The following ZNF711 variants were observed in gnomAD, a reference collection of about 807,000 sequenced individuals.
ZNF711 encodes the protein zinc finger protein 711.
Under a neutral mutation model 43.5 loss-of-function variants are expected in ZNF711, and 3 were observed. The observed-to-expected ratio is 0.07, with a 90% CI of 0.03 to 0.18. The LOEUF is 0.18. Among genes scored for constraint, ZNF711 ranks in the 10% least tolerant of loss-of-function variants. The probability of loss-of-function intolerance (pLI) is 1.00; values close to 1 mark genes in which losing one functional copy is unlikely to be tolerated. For synonymous variants in ZNF711, 209 were observed against 207.7 expected (o/e 1.01, Z -0.06); for missense variants, 412 against 604.0 (o/e 0.68, Z 3.33).
chrX:85,269,713 A>T (rs1028440662), intron 9 of ZNF711, among the ~76,000 whole-genome samples: 4 of 111,771 alleles, frequency 3.6e-5, no homozygotes, highest in African/African-American at 1.3e-4. Flanking sequence ...TTATCAGTTT[A>T]TTCCTGATAA....
intron 5 of ZNF711, among the ~76,000 whole-genome samples, chrX:85,257,762 G>C (rs1930302028): frequency 8.8e-6 from 1 of 113,133 alleles, no homozygotes; most frequent in South Asian, 3.6e-4. Flanking sequence ...TTCCACAGTG[G>C]CTGAACTAAT....
rs756156173 is a variant in ZNF711, at chrX:85,251,245, AT to A, written c.79+3596del. 1.1e-3 allele frequency among the ~76,000 whole-genome samples: 121 copies of A among 112,164 alleles called. 1 individual carries two copies. The highest frequency in any genetic ancestry group is 3.6e-3 in the African/African-American group (112 of 31,002). On this transcript the variant is annotated intron_variant, in intron 4 of 10. Transcript: ENST00000674551. The stretch of plus-strand genomic sequence containing the variant: ...TGATACAATACAGAAAATCTGAAAC[AT>A]TAATTTAATGCATAATTCATTGGAC...
Position 85,247,553 on chromosome X carries a change from G to C in ZNF711, c.-20G>C, listed in dbSNP as rs773355503. 2.5e-6 allele frequency: 3 copies of C among 1,181,792 alleles called. No homozygotes were observed. The highest frequency in any genetic ancestry group is 3.4e-6 in the Non-Finnish European group (3 of 871,326). ...AAAGCCATTTCTTTTGCAGATATTGGTGAATGAACTTTGCTAAGTATGGAT... is the reference window on the plus strand; with the variant it reads ...AAAGCCATTTCTTTTGCAGATATTGCTGAATGAACTTTGCTAAGTATGGAT... On this transcript the variant is annotated 5_prime_UTR_variant, in exon 4 of 11. Coordinates refer to ENST00000674551, the MANE Select transcript of ZNF711 (RefSeq NM_001330574.2).
intron 4 of ZNF711, among the ~76,000 whole-genome samples, chrX:85,249,433 C>G (rs1223495615): frequency 9.0e-6 from 1 of 111,066 alleles, no homozygotes; most frequent in Non-Finnish European, 1.9e-5. Flanking sequence ...TGATAAAGTG[C>G]CAAAACTCAC....
chrX:85,254,170 A>G (rs182156143), intron 4 of ZNF711, among the ~76,000 whole-genome samples: 1 of 111,227 alleles, frequency 9.0e-6, no homozygotes, highest in Admixed American at 9.5e-5. Flanking sequence ...CTGGGGAAAA[A>G]TGCCCGAGAT....
chrX:85,265,048 ATTC>A (rs1930982337), intron 6 of ZNF711, 67 bp from the exon 7 acceptor site: 9 of 948,641 alleles, frequency 9.5e-6, no homozygotes, highest in Non-Finnish European at 1.0e-5. Context: ...ATTTCTATAT[ATTC>A]TTCTTATTAA....
chrX:85,270,879 A>G lies in ZNF711; in HGVS notation c.1475A>G (p.His492Arg). 3 of 1,209,809 alleles carry G rather than the reference A, an allele frequency of 2.5e-6. No homozygotes were observed. The highest frequency in any genetic ancestry group is 3.4e-6 in the Non-Finnish European group (3 of 894,437). The change falls in exon 11 of 11, where the codon CAT becomes CGT. Residue 492 changes from histidine (H) to arginine (R), a missense_variant. Around this residue, in one of 4 missense-constraint regions of ZNF711, gnomAD observed 375 missense variants for 514.2 expected, o/e 0.73. Transcript: ENST00000674551. ...CTCATAAACAAAGTCGACAAAACCC[A>G]TGAATTTACAGAATACACACGAAGA... ...HKLINKVDKTHEFTEYTRRYR... is the reference protein window; with the variant it reads ...HKLINKVDKTREFTEYTRRYR...
At position 85,271,612 on chromosome X, in the gene ZNF711, G is replaced by A; in HGVS notation, c.2208G>A (p.Glu736=). 1 of 1,210,157 alleles carries A rather than the reference G, an allele frequency of 8.3e-7. No individual in the cohort carries two copies. The highest frequency in any genetic ancestry group is 1.1e-6 in the Non-Finnish European group (1 of 894,791). Residue 736 remains glutamate, a synonymous_variant, in exon 11 of 11, where the codon GAG becomes GAA. Transcript: ENST00000674551. ...RCKRGFRQQN[E]LKKHMKTHTG... is the part of the protein sequence containing the mutation. Reference sequence around the variant, plus strand: ...AGAGAGGATTCAGACAACAAAATGAGCTAAAAAAACATATGAAGACCCATA... The same window carrying A: ...AGAGAGGATTCAGACAACAAAATGAACTAAAAAAACATATGAAGACCCATA...
chrX:85,248,796 T>C (rs1382334108), intron 4 of ZNF711, among the ~76,000 whole-genome samples: 5 of 111,972 alleles, frequency 4.5e-5, no homozygotes, highest in Non-Finnish European at 5.6e-5. Context: ...AGAACTGTGA[T>C]ACTTTGCTAA....
chrX:85,265,311 A>T (rs1931007030), intron 7 of ZNF711, 56 bp downstream of exon 7: 16 of 1,152,624 alleles, frequency 1.4e-5, no homozygotes, highest in Non-Finnish European at 1.9e-5. Flanking sequence ...CATTATTTTT[A>T]AAAAATCTCA....
chrX:85,271,378 C>G lies in ZNF711; in HGVS notation c.1974C>G (p.Val658=), dbSNP rs1307038088. Residue 658 remains valine (V), a synonymous_variant, in exon 11 of 11, where the codon GTC becomes GTG. Transcript: ENST00000674551. ...ACCTTAAGCGGCACATCATATCTGTCCATACTAAGGATTTTCCTCACAAAT... is the reference window on the plus strand; with the variant it reads ...ACCTTAAGCGGCACATCATATCTGTGCATACTAAGGATTTTCCTCACAAAT... ...SSDLKRHIIS[V]HTKDFPHKCE... 1 of 1,210,622 alleles carries G rather than the reference C, an allele frequency of 8.3e-7. No individual in the cohort carries two copies. Among genetic ancestry groups the G allele is most frequent in the Non-Finnish European group, 1.1e-6 (1 of 895,010 alleles).
chrX:85,245,887 T>G lies in ZNF711; in HGVS notation c.-405-16T>G, dbSNP rs1434042189. 1 of 112,001 alleles carries G rather than the reference T, an allele frequency of 8.9e-6. No individual in the cohort carries two copies. Among genetic ancestry groups the G allele is most frequent in the Non-Finnish European group, 1.9e-5 (1 of 53,198 alleles). The allele number at this position is 112,001 out of a possible 1,213,427, so 9.2% of individuals were successfully genotyped here. ...ATATTTTAAAGTATCTGATTTTGAA[T>G]GTATTTTTATAATAGGTAAAGAGAG... On this transcript the variant is annotated splice_polypyrimidine_tract_variant and intron_variant, in intron 1 of 10. Transcript: ENST00000674551.
intron 5 of ZNF711, among the ~76,000 whole-genome samples, chrX:85,257,291 A>G (rs1215961019): frequency 9.0e-6 from 1 of 110,977 alleles, no homozygotes; most frequent in African/African-American, 3.3e-5. Context: ...ATAGTACCCA[A>G]CAGTTAGTTT....
Position 85,270,968 on chromosome X carries a change from C to G in ZNF711, c.1564C>G (p.His522Asp). 2 of 1,210,933 alleles carry G rather than the reference C, an allele frequency of 1.7e-6. No homozygotes were observed. The highest frequency in any genetic ancestry group is 2.2e-6 in the Non-Finnish European group (2 of 895,127). Residue 522 changes from histidine (H) to aspartate (D), a missense_variant, in exon 11 of 11, where the codon CAC (histidine) becomes GAC (aspartate). By Grantham distance (81) the His-to-Asp change is moderately conservative. This residue lies in a region of ZNF711 where 375 missense variants were observed against 514.2 expected (regional missense o/e 0.73). Transcript: ENST00000674551. Reference protein sequence around the residue: ...LILRDKEPKMHKCKYCDYETA... With the variant: ...LILRDKEPKMDKCKYCDYETA... Reference sequence around the variant, plus strand: ...TTTAAGAGACAAGGAGCCGAAGATGCACAAGTGCAAATACTGTGACTATGA... The same window carrying G: ...TTTAAGAGACAAGGAGCCGAAGATGGACAAGTGCAAATACTGTGACTATGA...
At chrX:85,252,955 A>G (rs1394985637) in intron 4 of ZNF711, among the ~76,000 whole-genome samples, 1 of 112,023 alleles carries the variant, frequency 8.9e-6, no homozygotes, top group Non-Finnish European at 1.9e-5. Context: ...AATAATGAAC[A>G]CTATGTGACA....
chrX:85,269,860 A>G, intron 9 of ZNF711, 143 bp from the exon 10 acceptor site: 1 of 551,793 alleles, frequency 1.8e-6, no homozygotes, highest in Non-Finnish European at 3.1e-6. Context: ...AGAGAGAGAA[A>G]GAGAATCATA....
chrX:85,270,842 G>A lies in ZNF711; in HGVS notation c.1438G>A (p.Glu480Lys). The change falls in exon 11 of 11, where the codon GAA (glutamate) becomes AAA (lysine). Residue 480 changes from glutamate to lysine, a missense_variant. Physicochemically the swap from Glu to Lys is moderately conservative, Grantham distance 56. This residue lies in a region of ZNF711 where 375 missense variants were observed against 514.2 expected (regional missense o/e 0.73). Coordinates refer to ENST00000674551, the MANE Select transcript of ZNF711 (RefSeq NM_001330574.2). ...NKKVSFHNHL[E>K]SHKLINKVDK... ...GAAAGTGAGTTTCCATAACCACTTAGAAAGCCATAAGCTCATAAACAAAGT... is the reference window on the plus strand; with the variant it reads ...GAAAGTGAGTTTCCATAACCACTTAAAAAGCCATAAGCTCATAAACAAAGT... 9.1e-6 allele frequency: 11 copies of A among 1,207,280 alleles called. No homozygotes were observed. The highest frequency in any genetic ancestry group is 1.2e-5 in the Non-Finnish European group (11 of 893,106).
intron 5 of ZNF711, among the ~76,000 whole-genome samples, chrX:85,258,810 T>C (rs1267686083): frequency 9.0e-6 from 1 of 110,812 alleles, no homozygotes; most frequent in Non-Finnish European, 1.9e-5. Context: ...ATATTATACC[T>C]TTGTCCGATG....
At chrX:85,267,249 A>G in intron 7 of ZNF711, 29 bp from the exon 8 acceptor site, 1 of 1,085,337 alleles carries the variant, frequency 9.2e-7, no homozygotes, top group Non-Finnish European at 1.2e-6. Context: ...ATTTGGGGTT[A>G]TAAACAAGCA....
Sources: gnomAD v4.1 joint callset for allele counts (sites outside exome capture counted in the v4.1 genomes callset) on GRCh38, gnomAD v4.1.1 for gene constraint, gnomAD v4.1.1 regional missense constraint, MANE v1.5 for transcripts, NCBI Gene and HGNC (gene_info 2026-07-23, HGNC 2026-07-21) for gene names.